SEPTIN11: variants seen among roughly 807,000 people sequenced by gnomAD.
The protein encoded by SEPTIN11 is septin 11, also known as septin-11.
Under a neutral mutation model 51.4 loss-of-function variants are expected in SEPTIN11, and 25 were observed. The observed-to-expected ratio is 0.49, with a 90% CI of 0.35 to 0.68. SEPTIN11 has a LOEUF of 0.68. Among genes scored for constraint, SEPTIN11 ranks in the 30% least tolerant of loss-of-function variants. The pLI is 0.00. For synonymous variants in SEPTIN11, 174 were observed against 184.1 expected (o/e 0.95, Z 0.44); for missense variants, 381 against 520.8 (o/e 0.73, Z 2.61).
chr4:76,969,077 G>T (rs74974918), intron 1 of SEPTIN11, among the ~76,000 whole-genome samples: 1 of 152,260 alleles, frequency 6.6e-6, no homozygotes, highest in East Asian at 1.9e-4. Context: ...TTCTTGCCTT[G>T]AAGAAAAGAC....
At chr4:76,950,820 G>A (rs1470137963) in intron 1 of SEPTIN11, among the ~76,000 whole-genome samples, 4 of 152,228 alleles carry the variant, frequency 2.6e-5, no homozygotes, top group Non-Finnish European at 5.9e-5. Context: ...CAAGTGAAAG[G>A]CGGAGGAAGG....
chr4:77,031,067 T>C (rs1726592837), intron 9 of SEPTIN11, 97 bp downstream of exon 9: 1 of 1,145,788 alleles, frequency 8.7e-7, no homozygotes, highest in Middle Eastern at 2.9e-4. Context: ...AACTGGTCCT[T>C]TACCAGAAAG....
chr4:77,020,718 T>C (rs1215981362), intron 7 of SEPTIN11, 48 bp downstream of exon 7: 1 of 1,556,902 alleles, frequency 6.4e-7, no homozygotes, highest in Admixed American at 1.8e-5. Flanking sequence ...GTGGCGAGAG[T>C]GGCATGGTGG....
intron 5 of SEPTIN11, among the ~76,000 whole-genome samples, chr4:77,018,022 C>G (rs768138991): frequency 6.6e-6 from 1 of 152,132 alleles, no homozygotes. Context: ...GTGAGACACA[C>G]AAGTATTTTA....
chr4:76,969,669 C>G (rs1722164752), intron 1 of SEPTIN11, among the ~76,000 whole-genome samples: 2 of 152,162 alleles, frequency 1.3e-5, no homozygotes, highest in Non-Finnish European at 2.9e-5. Flanking sequence ...CTACCGACTT[C>G]ATGGTTCATA....
chr4:77,033,954 C>G (rs980771281), intron 9 of SEPTIN11, among the ~76,000 whole-genome samples: 13 of 152,196 alleles, frequency 8.5e-5, no homozygotes, highest in African/African-American at 3.1e-4. Context: ...GTAGCTGTAA[C>G]CATTCCAGTG....
intron 1 of SEPTIN11, among the ~76,000 whole-genome samples, chr4:76,987,622 A>G (rs916491296): frequency 2.0e-5 from 3 of 152,174 alleles, no homozygotes; most frequent in Non-Finnish European, 4.4e-5. Flanking sequence ...AACCAATTCA[A>G]TACTTTCTAG....
chr4:76,973,757 G>T (rs900120642), intron 1 of SEPTIN11, among the ~76,000 whole-genome samples: 1 of 152,136 alleles, frequency 6.6e-6, no homozygotes, highest in African/African-American at 2.4e-5. Flanking sequence ...GAATTTCTTT[G>T]TGTCTCTGTG....
intron 1 of SEPTIN11, among the ~76,000 whole-genome samples, chr4:76,991,233 A>G (rs1383164573): frequency 1.3e-5 from 2 of 152,124 alleles, no homozygotes; most frequent in African/African-American, 4.8e-5. Context: ...ATACCTCTTT[A>G]TCTCCTCCCA....
At chr4:76,977,897 T>A (rs1722576368) in intron 1 of SEPTIN11, among the ~76,000 whole-genome samples, 1 of 152,226 alleles carries the variant, frequency 6.6e-6, no homozygotes, top group African/African-American at 2.4e-5. Context: ...CTCAGTAGTC[T>A]ATAAGAAGCT....
intron 1 of SEPTIN11, among the ~76,000 whole-genome samples, chr4:76,964,298 ATT>A (rs34041277): frequency 0.1 from 13,500 of 133,096 alleles, 901 homozygotes; most frequent in East Asian, 0.23. Flanking sequence ...TTGGCCAATC[ATT>A]TTTTTTTTTT....
At chr4:76,990,444 C>G (rs1231254767) in intron 1 of SEPTIN11, among the ~76,000 whole-genome samples, 1 of 152,164 alleles carries the variant, frequency 6.6e-6, no homozygotes, top group Non-Finnish European at 1.5e-5. Flanking sequence ...AGGCTGCCAA[C>G]TGAGACCAGT....
chr4:77,016,942 TA>T (rs1725354074), intron 5 of SEPTIN11, among the ~76,000 whole-genome samples: 1 of 152,018 alleles, frequency 6.6e-6, no homozygotes, highest in Non-Finnish European at 1.5e-5. Context: ...TACCATTTTA[TA>T]TCAGAGATTT....
chr4:76,962,842 C>T (rs1721879174), intron 1 of SEPTIN11, among the ~76,000 whole-genome samples: 2 of 152,192 alleles, frequency 1.3e-5, no homozygotes, highest in East Asian at 3.9e-4. Flanking sequence ...CAAACACACA[C>T]TCACATACCC....
At chr4:77,038,681 C>G, downstream of SEPTIN11, 9 of 1,015,690 alleles carry the variant, frequency 8.9e-6, no homozygotes, top group Non-Finnish European at 9.5e-6. Context: ...CACGTGCTTA[C>G]TGGATAAAAG....
chr4:77,015,744 A>G (rs574774752), intron 5 of SEPTIN11, among the ~76,000 whole-genome samples: 150 of 152,324 alleles, frequency 9.8e-4, no homozygotes, highest in Admixed American at 2.4e-3. Context: ...GTTGGAATTC[A>G]AAGTAGTAAA....
intron 1 of SEPTIN11, among the ~76,000 whole-genome samples, chr4:76,990,986 A>G (rs144733693): frequency 3.3e-5 from 5 of 152,350 alleles, no homozygotes; most frequent in Non-Finnish European, 7.3e-5. Flanking sequence ...TCAGGCTAGA[A>G]TCATCATTCT....
chr4:77,005,722 G>A lies in SEPTIN11; in HGVS notation c.264G>A (p.Gln88=), dbSNP rs1724433889. 6.2e-7 allele frequency: 1 copy of A among 1,613,924 alleles called. No individual in the cohort carries two copies. ...VRLKARSYEL[Q]ESNVRLKLTI... is the part of the protein sequence containing the mutation. ...TAAAAGCCAGAAGTTATGAGCTTCA[G>A]GAAAGCAATGTACGGCTGAAGTTAA... Residue 88 remains glutamine (Q), a synonymous_variant, in exon 3 of 10, where the codon CAG becomes CAA. Transcript: ENST00000264893.
At chr4:76,988,605 C>CT (rs1723173019) in intron 1 of SEPTIN11, among the ~76,000 whole-genome samples, 1 of 152,160 alleles carries the variant, frequency 6.6e-6, no homozygotes, top group South Asian at 2.1e-4. Flanking sequence ...AACTCCTGAG[C>CT]TTAAGCAAGA....
Sources: gnomAD v4.1 joint callset for allele counts (sites outside exome capture counted in the v4.1 genomes callset) on GRCh38, gnomAD v4.1.1 for gene constraint, MANE v1.5 for transcripts, NCBI Gene and HGNC (gene_info 2026-07-23, HGNC 2026-07-21) for gene names.